ZFHX3: variants seen among roughly 807,000 people sequenced by gnomAD.
ZFHX3 encodes the protein zinc finger homeobox 3, also known as zinc finger homeobox protein 3.
ZFHX3 carries 42 observed loss-of-function variants against 279.1 expected under a neutral mutation model. That is an observed-to-expected ratio of 0.15 (90% CI 0.12 to 0.19). The LOEUF (loss-of-function observed/expected upper bound fraction) is 0.19. Among genes scored for constraint, ZFHX3 ranks in the 10% least tolerant of loss-of-function variants. ZFHX3 has a pLI of 1.00. For missense variants in ZFHX3, 4,981 were observed against 4,754.0 expected, an observed-to-expected ratio of 1.05 and a Z score of -1.40; for synonymous variants, 2,293 against 1,957.8, an observed-to-expected ratio of 1.17 and a Z score of -4.52.
At chr16:73,638,653 T>C (rs1289781961) in intron 2 of ZFHX3, among the ~76,000 whole-genome samples, 2 of 152,154 alleles carry the variant, frequency 1.3e-5, no homozygotes, top group African/African-American at 2.4e-5. Flanking sequence ...ACCTGTTACA[T>C]TGTGTTTTTG....
chr16:72,875,549 A>G (rs1225527311), intron 4 of ZFHX3, among the ~76,000 whole-genome samples: 1 of 152,256 alleles, frequency 6.6e-6, no homozygotes, highest in Non-Finnish European at 1.5e-5. Context: ...CATTCAGGGA[A>G]CTGGAGTTGC....
intron 4 of ZFHX3, among the ~76,000 whole-genome samples, chr16:72,833,230 C>T (rs78486271): frequency 7.2e-5 from 11 of 152,228 alleles, no homozygotes; most frequent in African/African-American, 2.4e-4. Context: ...TGCGTCCACA[C>T]GCTAAGCTCC....
intron 5 of ZFHX3, among the ~76,000 whole-genome samples, chr16:73,168,748 C>T (rs1014587106): frequency 1.3e-5 from 2 of 152,172 alleles, no homozygotes; most frequent in Non-Finnish European, 2.9e-5. Flanking sequence ...ATCCACAAAA[C>T]ACTCTGTGCA....
chr16:73,162,353 T>C (rs1041129641), intron 5 of ZFHX3, among the ~76,000 whole-genome samples: 4 of 152,244 alleles, frequency 2.6e-5, no homozygotes, highest in African/African-American at 9.6e-5. Flanking sequence ...TGCCCAATGA[T>C]CTGTCACTGT....
intron 1 of ZFHX3, among the ~76,000 whole-genome samples, chr16:73,705,122 G>A (rs1597074408): frequency 1.3e-5 from 2 of 152,290 alleles, no homozygotes; most frequent in East Asian, 1.9e-4. Flanking sequence ...ATAGTAAAAT[G>A]TAGTAAAATA....
intron 5 of ZFHX3, among the ~76,000 whole-genome samples, chr16:73,250,465 G>A (rs557379820): frequency 2.0e-5 from 3 of 152,192 alleles, no homozygotes; most frequent in Non-Finnish European, 4.4e-5. Flanking sequence ...ACAATTCAGT[G>A]GCATTAATTA....
At chr16:72,868,799 C>G (rs544328507) in intron 4 of ZFHX3, among the ~76,000 whole-genome samples, 1 of 152,342 alleles carries the variant, frequency 6.6e-6, no homozygotes, top group East Asian at 1.9e-4. Flanking sequence ...GCTCAAGGCT[C>G]AGTAGCCCTC....
chr16:73,657,976 T>A (rs1448066314), intron 2 of ZFHX3, among the ~76,000 whole-genome samples: 1 of 152,242 alleles, frequency 6.6e-6, no homozygotes, highest in Non-Finnish European at 1.5e-5. Flanking sequence ...ATGGAATTAA[T>A]GCTAATATTT....
chr16:73,555,789 G>A (rs568021934), intron 2 of ZFHX3, among the ~76,000 whole-genome samples: 14 of 150,580 alleles, frequency 9.3e-5, no homozygotes, highest in African/African-American at 2.9e-4. Context: ...CTGAAATAGC[G>A]CCACTGTACT....
intron 5 of ZFHX3, among the ~76,000 whole-genome samples, chr16:73,195,164 A>C (rs1187439968): frequency 6.6e-6 from 1 of 152,212 alleles, no homozygotes; most frequent in Non-Finnish European, 1.5e-5. Flanking sequence ...TTGGCTTTGC[A>C]AAATTAATTT....
chr16:73,835,524 G>A (rs1334212634), intron 1 of ZFHX3, among the ~76,000 whole-genome samples: 1 of 128,326 alleles, frequency 7.8e-6, no homozygotes, highest in Non-Finnish European at 1.6e-5. Flanking sequence ...AGGCTGGAGT[G>A]CAATGTTGCA....
chr16:73,024,242 G>C (rs1250707794), intron 1 of ZFHX3, among the ~76,000 whole-genome samples: 2 of 152,180 alleles, frequency 1.3e-5, no homozygotes, highest in African/African-American at 4.8e-5. Context: ...TGAGCAAGGA[G>C]AGATGGGGGA....
intron 1 of ZFHX3, among the ~76,000 whole-genome samples, chr16:73,841,420 A>G (rs1961304664): frequency 6.6e-6 from 1 of 152,184 alleles, no homozygotes; most frequent in Non-Finnish European, 1.5e-5. Context: ...ACCAGGAATC[A>G]TAACAATCAG....
chr16:73,872,031 C>T (rs1221254366), intron 1 of ZFHX3, among the ~76,000 whole-genome samples: 1 of 152,116 alleles, frequency 6.6e-6, no homozygotes, highest in African/African-American at 2.4e-5. Flanking sequence ...AGATTGTACA[C>T]CCAGTTTTGC....
chr16:72,899,621 T>TG (rs1308948929), intron 3 of ZFHX3, among the ~76,000 whole-genome samples: 3 of 152,298 alleles, frequency 2.0e-5, no homozygotes, highest in Non-Finnish European at 2.9e-5. Flanking sequence ...TGATGGTTTG[T>TG]GGGGCACTCT....
chr16:72,936,048 T>C (rs1015199531), intron 3 of ZFHX3, among the ~76,000 whole-genome samples: 1 of 152,170 alleles, frequency 6.6e-6, no homozygotes, highest in African/African-American at 2.4e-5. Context: ...TTCAAAGTAA[T>C]TTGACACCAG....
At chr16:73,429,815 T>A (rs2017880744) in intron 3 of ZFHX3, among the ~76,000 whole-genome samples, 1 of 152,116 alleles carries the variant, frequency 6.6e-6, no homozygotes, top group Non-Finnish European at 1.5e-5. Context: ...GGGAAAACCA[T>A]CCTCGCTCCC....
chr16:72,930,855 T>C (rs1267181770), intron 3 of ZFHX3, among the ~76,000 whole-genome samples: 2 of 152,132 alleles, frequency 1.3e-5, no homozygotes, highest in Admixed American at 6.5e-5. Flanking sequence ...AAATGTAAAA[T>C]GTGGTACAAG....
intron 7 of ZFHX3, among the ~76,000 whole-genome samples, chr16:73,124,151 C>G (rs2144811293): frequency 6.6e-6 from 1 of 152,246 alleles, no homozygotes; most frequent in Admixed American, 6.5e-5. Context: ...TGTGTTTTGG[C>G]CTGTTCCGGC....
Sources: gnomAD v4.1 joint callset for allele counts (sites outside exome capture counted in the v4.1 genomes callset) on GRCh38, gnomAD v4.1.1 for gene constraint, MANE v1.5 for transcripts, NCBI Gene and HGNC (gene_info 2026-07-23, HGNC 2026-07-21) for gene names.